Variants in TEX11 observed in about 807,000 individuals in gnomAD.
TEX11 encodes testis expressed 11, also known as testis-expressed protein 11.
In TEX11, 7 loss-of-function variants were observed where a neutral mutation model predicts 84.4. That is an observed-to-expected ratio of 0.08 (90% CI 0.05 to 0.16). The LOEUF (loss-of-function observed/expected upper bound fraction) is 0.16, where lower values mean the gene tolerates loss of function less well. TEX11 is among the 10% of genes least tolerant of loss of function. The probability of loss-of-function intolerance (pLI) is 1.00; values close to 1 mark genes in which losing one functional copy is unlikely to be tolerated. For missense variants in TEX11, 551 were observed against 660.5 expected, an observed-to-expected ratio of 0.83 and a Z score of 1.82; for synonymous variants, 264 against 222.8, an observed-to-expected ratio of 1.18 and a Z score of -1.64.
intron 26 of TEX11, among the ~76,000 whole-genome samples, chrX:70,553,910 T>G (rs767194052): frequency 9.9e-4 from 111 of 111,736 alleles, no homozygotes; most frequent in Non-Finnish European, 1.7e-3. Context: ...GAATTGGAGT[T>G]CCATTATACA....
intron 25 of TEX11, among the ~76,000 whole-genome samples, chrX:70,571,265 C>T (rs1255038686): frequency 9.8e-5 from 11 of 111,932 alleles, no homozygotes; most frequent in Admixed American, 4.7e-4. Context: ...GTGATCTGCC[C>T]GCCTTGGCCT....
At chrX:70,684,919 T>A (rs1212710601) in intron 13 of TEX11, among the ~76,000 whole-genome samples, 1 of 111,769 alleles carries the variant, frequency 8.9e-6, no homozygotes, top group Non-Finnish European at 1.9e-5. Context: ...GCTATAGTAA[T>A]CAAAGCAGTA....
At chrX:70,685,761 T>A (rs1289388265) in intron 13 of TEX11, among the ~76,000 whole-genome samples, 1 of 112,093 alleles carries the variant, frequency 8.9e-6, no homozygotes, top group East Asian at 2.8e-4. Flanking sequence ...TTTTTAATAA[T>A]TGCCATTCTG....
At chrX:70,524,144 G>T (rs760652981), downstream of TEX11, among the ~76,000 whole-genome samples, 3 of 111,904 alleles carry the variant, frequency 2.7e-5, no homozygotes, top group Non-Finnish European at 5.6e-5. Context: ...CCCAAAGTCT[G>T]CTATTAACGG....
chrX:70,717,180 A>AG (rs2090512806), intron 13 of TEX11, among the ~76,000 whole-genome samples: 1 of 110,754 alleles, frequency 9.0e-6, no homozygotes, highest in East Asian at 2.8e-4. Flanking sequence ...TTCAAAAAAA[A>AG]AAAAAGATCG....
In TEX11 at chrX:70,874,005, C is replaced by T. The variant is rs2091642807; in HGVS notation, c.160-698G>A. Among the ~76,000 whole-genome samples the T allele has an allele frequency of 2.7e-5, 3 of 111,393 alleles. No homozygotes were observed. The South Asian group carries it at 1.1e-3, about 43-fold the overall frequency. On this transcript the variant is annotated intron_variant, in intron 3 of 29. Coordinates refer to ENST00000374333, the MANE Select transcript of TEX11 (RefSeq NM_031276.3). The stretch of plus-strand genomic sequence containing the variant: ...GGATGGATCCCTCATTGTCTTGGTG[C>T]TGTCCTCACAGTAATGAGTGAGTTC...
intron 8 of TEX11, among the ~76,000 whole-genome samples, chrX:70,809,838 A>G (rs2091241722): frequency 9.0e-6 from 1 of 111,375 alleles, no homozygotes. Flanking sequence ...CCAAAATTAC[A>G]GGCACCCGCC....
At chrX:70,529,584 G>A (rs2087857638) in intron 29 of TEX11, among the ~76,000 whole-genome samples, 1 of 111,852 alleles carries the variant, frequency 8.9e-6, no homozygotes, top group African/African-American at 3.2e-5. Flanking sequence ...CTCACTCTTG[G>A]CATTCCTCTT....
At chrX:70,753,771 A>G (rs927165146) in intron 9 of TEX11, among the ~76,000 whole-genome samples, 2 of 110,374 alleles carry the variant, frequency 1.8e-5, no homozygotes, top group African/African-American at 6.6e-5. Context: ...ACAGCAGGAT[A>G]GGACAAGGGT....
At position 70,755,294 on chromosome X, in the gene TEX11, A is replaced by C. The variant is rs750515666; in HGVS notation, c.693-11075T>G. Among the ~76,000 whole-genome samples the C allele has an allele frequency of 9.3e-4, 104 of 111,767 alleles. 1 individual carries two copies. The highest frequency in any genetic ancestry group is 1.7e-3 in the Non-Finnish European group (88 of 53,224). On this transcript the variant is annotated intron_variant, in intron 9 of 29. Transcript: ENST00000374333. ...AGTTTTTGTTAAGTTTTAACAGACA[A>C]ATTTATTTGAAATTAAAAGAATAAA...
At chrX:70,782,632 A>C (rs1280808009) in intron 9 of TEX11, among the ~76,000 whole-genome samples, 2 of 84,351 alleles carry the variant, frequency 2.4e-5, no homozygotes, top group East Asian at 8.8e-4. Context: ...AGATCTACCA[A>C]GCAAATGGAA....
At chrX:70,729,742 A>T (rs1442529761) in intron 11 of TEX11, among the ~76,000 whole-genome samples, 2 of 111,982 alleles carry the variant, frequency 1.8e-5, no homozygotes, top group Non-Finnish European at 3.8e-5. Context: ...TCTGCAGGAT[A>T]CTATCCAGGA....
At chrX:70,866,106 G>A (rs2091597763) in intron 4 of TEX11, among the ~76,000 whole-genome samples, 1 of 111,447 alleles carries the variant, frequency 9.0e-6, no homozygotes, top group African/African-American at 3.3e-5. Flanking sequence ...TCCAGGAGCT[G>A]ATTTTCTGAA....
intron 10 of TEX11, among the ~76,000 whole-genome samples, chrX:70,741,700 A>G (rs888169505): frequency 9.0e-6 from 1 of 110,745 alleles, no homozygotes; most frequent in African/African-American, 3.3e-5. Context: ...CTTGTATCCT[A>G]TCTTCCATCC....
At chrX:70,863,351 G>A (rs138736548) in intron 4 of TEX11, among the ~76,000 whole-genome samples, 3,845 of 111,798 alleles carry the variant, frequency 0.034, 66 homozygotes, top group Non-Finnish European at 0.051. Context: ...CTGGTGCCCC[G>A]CTGGGACAAA....
chrX:70,527,455 GA>G (rs2087833648), downstream of TEX11, among the ~76,000 whole-genome samples: 1 of 111,761 alleles, frequency 8.9e-6, no homozygotes, highest in Non-Finnish European at 1.9e-5. Context: ...CACCTAAATT[GA>G]GGTGCATGGT....
At chrX:70,599,248 C>T (rs1373942688) in intron 24 of TEX11, among the ~76,000 whole-genome samples, 1 of 111,511 alleles carries the variant, frequency 9.0e-6, no homozygotes, top group African/African-American at 3.3e-5. Flanking sequence ...TCAACTACAA[C>T]CCCCCAGGGG....
chrX:70,866,194 T>A (rs2091598162), intron 4 of TEX11, among the ~76,000 whole-genome samples: 1 of 110,898 alleles, frequency 9.0e-6, no homozygotes, highest in Non-Finnish European at 1.9e-5. Context: ...ACAGTAAAAA[T>A]GATAAAGGGG....
At chrX:70,631,265 T>G (rs927268779) in intron 17 of TEX11, among the ~76,000 whole-genome samples, 1 of 112,019 alleles carries the variant, frequency 8.9e-6, no homozygotes, top group Non-Finnish European at 1.9e-5. Flanking sequence ...AGTCTCAATA[T>G]ATTTAAAAGG....
Sources: allele counts gnomAD v4.1 joint callset (sites outside exome capture counted in the v4.1 genomes callset), GRCh38; gene constraint gnomAD v4.1.1; transcripts MANE v1.5; gene names NCBI Gene and HGNC (gene_info 2026-07-23, HGNC 2026-07-21).